The following IDE variants were observed in gnomAD, a reference collection of about 807,000 sequenced individuals.
The protein encoded by IDE is insulin degrading enzyme, also known as insulin-degrading enzyme.
A neutral mutation model predicts 133.2 loss-of-function variants in IDE; 58 were observed. The ratio of observed to expected loss-of-function variants is 0.44; its 90% CI spans 0.35 to 0.54. IDE has a LOEUF of 0.54. IDE is among the 20% of genes least tolerant of loss of function. The pLI, the probability that IDE is intolerant of heterozygous loss-of-function variation, is 0.00. For synonymous variants in IDE, 396 were observed against 421.3 expected (o/e 0.94, Z 0.73); for missense variants, 981 against 1,234.0 (o/e 0.79, Z 3.07).
At position 92,490,591 on chromosome 10, in the gene IDE, C is replaced by T. The variant is rs750444845; in HGVS notation, c.1435G>A (p.Ala479Thr). Residue 479 changes from alanine (A) to threonine (T), a missense_variant, in exon 12 of 25, where the codon GCC (alanine) becomes ACC (threonine). Physicochemically the swap from Ala to Thr is moderately conservative, Grantham distance 58 (BLOSUM62 0). Transcript: ENST00000265986. The part of the protein sequence containing the change: ...DKLRPENVRV[A>T]IVSKSFEGKT... ...CCTTCAAAAGATTTAGAAACTATGG[C>T]AACCCTAGAGATAGAAAAAACAAAC... is the stretch of plus-strand genomic sequence containing the variant. 13 of 1,597,812 alleles carry T rather than the reference C, an allele frequency of 8.1e-6. No individual in the cohort carries two copies. In the African/African-American group the frequency reaches 1.7e-4, roughly 21 times the overall value.
chr10:92,555,898 G>A lies in IDE; in HGVS notation c.98+18024C>T, dbSNP rs1730707506. 7.9e-5 allele frequency among the ~76,000 whole-genome samples: 12 copies of A among 152,326 alleles called. No individual in the cohort carries two copies. In the South Asian group the frequency reaches 2.5e-3, roughly 32 times the overall value. On this transcript the variant is annotated intron_variant, in intron 1 of 24. Transcript: ENST00000265986. ...AATTAGAAAGAAAAAAGTAGGCCGG[G>A]CGCGGTGGCTCACGCCTGTAATCCC...
rs1846729833 is a variant in IDE at position 92,483,271 on chromosome 10, T to G, written c.1723A>C (p.Asn575His). Residue 575 changes from asparagine to histidine, a missense_variant, in exon 14 of 25, where the codon AAC becomes CAC. By Grantham distance (68) the Asn-to-His change is moderately conservative. This residue lies in a region of IDE where 660 missense variants were observed against 894.7 expected (regional missense o/e 0.74). Coordinates refer to ENST00000265986, the MANE Select transcript of IDE (RefSeq NM_004969.4). ...CTTACATACCTGAAAAATTCAAAGTTGAGACAAGCCTTCGGCAAAAAAAAC... is the reference window on the plus strand; with the variant it reads ...CTTACATACCTGAAAAATTCAAAGTGGAGACAAGCCTTCGGCAAAAAAAAC... ...DKFFLPKACL[N>H]FEFFSPFAYV... 1 of 1,596,628 alleles carries G rather than the reference T, an allele frequency of 6.3e-7. No individual in the cohort carries two copies. The highest frequency in any genetic ancestry group is 8.6e-7 in the Non-Finnish European group (1 of 1,164,258).
intron 1 of IDE, among the ~76,000 whole-genome samples, chr10:92,553,269 C>T (rs1054803128): frequency 6.6e-6 from 1 of 151,788 alleles, no homozygotes; most frequent in Non-Finnish European, 1.5e-5. Context: ...ATTAAAAATA[C>T]AAAAATTAGC....
chr10:92,561,771 AT>A (rs1843296617), intron 1 of IDE, among the ~76,000 whole-genome samples: 1 of 150,642 alleles, frequency 6.6e-6, no homozygotes, highest in African/African-American at 2.4e-5. Context: ...CCAAAAAAAA[AT>A]AAAATAAAAT....
intron 21 of IDE, 43 bp downstream of exon 21, chr10:92,463,688 T>A: frequency 6.5e-7 from 1 of 1,549,538 alleles, no homozygotes; most frequent in Admixed American, 1.7e-5. Flanking sequence ...TAATCAAATG[T>A]TACTTGAATG....
In IDE at chr10:92,453,901, C is replaced by T. The variant is rs982898342; in HGVS notation, c.*543G>A. 3.3e-5 allele frequency: 5 copies of T among 152,104 alleles called. No homozygotes were observed. Among genetic ancestry groups the T allele is most frequent in the African/African-American group, 1.2e-4 (5 of 41,410 alleles). The allele number at this position is 152,104 out of a possible 1,614,324, so 9.4% of individuals were successfully genotyped here. A position where few individuals can be genotyped will look rare whatever the true frequency, so the allele number is the denominator to read the frequency against. On this transcript the variant is annotated 3_prime_UTR_variant, in exon 25 of 25. Transcript: ENST00000265986. Reference sequence around the variant, plus strand: ...TCAAATTTTATAAAAAGATTAAAACCATGCCTTATATAACCAGCATTTCAC... The same window carrying T: ...TCAAATTTTATAAAAAGATTAAAACTATGCCTTATATAACCAGCATTTCAC...
intron 4 of IDE, among the ~76,000 whole-genome samples, chr10:92,516,588 A>G (rs1275485723): frequency 2.6e-5 from 4 of 152,222 alleles, no homozygotes; most frequent in African/African-American, 9.7e-5. Flanking sequence ...TAAGATCCAC[A>G]TGGCCTCCAT....
chr10:92,494,975 C>T (rs917257949), intron 11 of IDE, among the ~76,000 whole-genome samples: 2 of 152,222 alleles, frequency 1.3e-5, no homozygotes, highest in Admixed American at 1.3e-4. Context: ...TACTCTGAAT[C>T]ACTTTCTTTG....
intron 1 of IDE, chr10:92,572,919 A>G: frequency 1.0e-6 from 1 of 985,136 alleles, no homozygotes; most frequent in Middle Eastern, 5.2e-4. Flanking sequence ...ACACCCTTGT[A>G]GCTATCTCAA....
intron 3 of IDE, among the ~76,000 whole-genome samples, chr10:92,533,948 G>A (rs1398144152): frequency 2.0e-5 from 3 of 151,940 alleles, no homozygotes; most frequent in African/African-American, 7.3e-5. Flanking sequence ...GCTTGAACCC[G>A]GAAGGCGAAG....
rs5787005 is a variant in IDE, at chr10:92,566,192, CAA to C, written c.98+7728_98+7729del. Among the ~76,000 whole-genome samples, 1,041 of 126,964 alleles carry C rather than the reference CAA, an allele frequency of 8.2e-3. 12 individuals are homozygous for C. The highest frequency in any genetic ancestry group is 0.012 in the Admixed American group (155 of 12,550). The allele number at this position is 126,964 out of a possible 152,430, so 83.3% of individuals were successfully genotyped here. A position where few individuals can be genotyped will look rare whatever the true frequency, so the allele number is the denominator to read the frequency against. ...GCAACATGACGAAATCCTGTCTCTA[CAA>C]AAAAAAAAAAAAACTCCAAAAAATT... is the stretch of plus-strand genomic sequence containing the variant. On this transcript the variant is annotated intron_variant, in intron 1 of 24. Transcript: ENST00000265986.
At chr10:92,484,200 C>T (rs1190754198) in intron 13 of IDE, among the ~76,000 whole-genome samples, 1 of 151,734 alleles carries the variant, frequency 6.6e-6, no homozygotes. Context: ...ATCATGAGGC[C>T]GGGAGTTCGA....
At chr10:92,510,253 T>A in intron 5 of IDE, 91 bp from the exon 6 acceptor site, 1 of 639,774 alleles carries the variant, frequency 1.6e-6, no homozygotes, top group Non-Finnish European at 2.8e-6. Flanking sequence ...CTGAAAAGTC[T>A]CAGTACTACT....
intron 4 of IDE, among the ~76,000 whole-genome samples, chr10:92,530,180 C>T (rs1849839730): frequency 6.6e-6 from 1 of 152,058 alleles, no homozygotes; most frequent in Non-Finnish European, 1.5e-5. Flanking sequence ...GAGCTGAAAT[C>T]AGGCCACTGC....
intron 1 of IDE, among the ~76,000 whole-genome samples, chr10:92,557,794 G>T (rs1843080837): frequency 1.4e-5 from 2 of 145,328 alleles, no homozygotes; most frequent in African/African-American, 5.1e-5. Flanking sequence ...GGAGGCTGAG[G>T]CATAAGAATT....
intron 1 of IDE, among the ~76,000 whole-genome samples, chr10:92,553,120 T>C (rs781112628): frequency 6.6e-6 from 1 of 151,572 alleles, no homozygotes; most frequent in South Asian, 2.1e-4. Flanking sequence ...GCAATATAAA[T>C]AAATAAGAAA....
intron 3 of IDE, among the ~76,000 whole-genome samples, 177 bp from the exon 4 acceptor site, chr10:92,532,094 A>T (rs1224577782): frequency 6.6e-6 from 1 of 152,158 alleles, no homozygotes; most frequent in Non-Finnish European, 1.5e-5. Context: ...ACAGAAGAAA[A>T]ATCTAATGTT....
chr10:92,502,850 A>G (rs1157545787), intron 11 of IDE, among the ~76,000 whole-genome samples: 2 of 152,344 alleles, frequency 1.3e-5, no homozygotes, highest in East Asian at 1.9e-4. Flanking sequence ...CACAGCTGTC[A>G]GTAACTTTGT....
At chr10:92,535,622 G>A (rs892833418) in intron 2 of IDE, among the ~76,000 whole-genome samples, 1 of 152,118 alleles carries the variant, frequency 6.6e-6, no homozygotes, top group African/African-American at 2.4e-5. Context: ...AAGGCATTAT[G>A]GTAGGCAGTA....
Sources: allele counts gnomAD v4.1 joint callset (sites outside exome capture counted in the v4.1 genomes callset), GRCh38; gene constraint gnomAD v4.1.1; regional missense constraint gnomAD v4.1.1; transcripts MANE v1.5; gene names NCBI Gene and HGNC (gene_info 2026-07-23, HGNC 2026-07-21).